The following HSCB variants were observed in gnomAD, a reference collection of about 807,000 sequenced individuals.
HSCB encodes the protein HscB mitochondrial iron-sulfur cluster cochaperone.
Under a neutral mutation model 31.3 loss-of-function variants are expected in HSCB, and 23 were observed. The observed-to-expected ratio is 0.74, with a 90% CI of 0.53 to 1.04. HSCB has a LOEUF of 1.04. HSCB is among the 50% of genes least tolerant of loss of function. HSCB has a pLI of 0.00. For synonymous variants in HSCB, 110 were observed against 104.5 expected (o/e 1.05, Z -0.32); for missense variants, 297 against 288.1 (o/e 1.03, Z -0.22).
At position 28,745,907 on chromosome 22, in the gene HSCB, A is replaced by AAATGGACAGGCAATTCCTCATAGAAAT; in HGVS notation, c.474_500dup (p.Asp158_Met166dup). On this transcript the variant is annotated inframe_insertion, in exon 4 of 6. Transcript: ENST00000216027. ...GAGATTCCTGAAAGGACAGATTATG[A>AAATGGACAGGCAATTCCTCATAGAAAT]AATGGACAGGCAATTCCTCATAGAA... 4 of 1,613,568 alleles carry AAATGGACAGGCAATTCCTCATAGAAAT rather than the reference A, an allele frequency of 2.5e-6. No individual in the cohort carries two copies. The highest frequency in any genetic ancestry group is 3.4e-6 in the Non-Finnish European group (4 of 1,179,610).
At chr22:28,752,099 C>T (rs901815959) in intron 5 of HSCB, among the ~76,000 whole-genome samples, 1 of 135,846 alleles carries the variant, frequency 7.4e-6, no homozygotes, top group Non-Finnish European at 1.6e-5. Flanking sequence ...TCAAAACAAA[C>T]AAAAAAAAAA....
chr22:28,742,980 G>T (rs535074605), intron 1 of HSCB, among the ~76,000 whole-genome samples: 1 of 152,202 alleles, frequency 6.6e-6, no homozygotes, highest in Admixed American at 6.6e-5. Context: ...TGTGAAAGGG[G>T]CTGAATTAAA....
intron 3 of HSCB, 150 bp downstream of exon 3, chr22:28,744,854 G>T: frequency 1.5e-6 from 1 of 651,858 alleles, no homozygotes; most frequent in East Asian, 2.7e-5. Flanking sequence ...AGGCTGAGGT[G>T]GTCAGATCAC....
At chr22:28,742,379 A>G (rs2054584280) in intron 1 of HSCB, 48 bp downstream of exon 1, 1 of 1,598,172 alleles carries the variant, frequency 6.3e-7, no homozygotes, top group Admixed American at 1.7e-5. Context: ...AGACACGTCG[A>G]GGTCTGGCCT....
rs563701958 is a variant in HSCB, at chr22:28,750,247, C to CAAAAAAAA, written c.569-972_569-965dup. Among the ~76,000 whole-genome samples, 9 of 64,714 alleles carry CAAAAAAAA rather than the reference C, an allele frequency of 1.4e-4. 2 individuals carry two copies. In the South Asian group the frequency reaches 1.4e-3, roughly 10 times the overall value. The allele number at this position is 64,714 out of a possible 152,430, so 42.5% of individuals were successfully genotyped here. On this transcript the variant is annotated intron_variant, in intron 4 of 5. Transcript: ENST00000216027. The stretch of plus-strand genomic sequence containing the variant: ...CTGGGCAACAAGAGCGAAACTGTCT[C>CAAAAAAAA]AAAAAAAAAAAAAAAAAAAAAAAAA...
chr22:28,745,591 A>G (rs1274917122), intron 3 of HSCB: 3 of 240,940 alleles, frequency 1.2e-5, no homozygotes, highest in Non-Finnish European at 2.4e-5. Flanking sequence ...TTATAATTGA[A>G]TAGAATCTTT....
intron 4 of HSCB, among the ~76,000 whole-genome samples, chr22:28,750,050 G>C (rs994126761): frequency 7.9e-5 from 12 of 152,018 alleles, no homozygotes; most frequent in Admixed American, 7.9e-4. Flanking sequence ...AGGAGTTCAA[G>C]ACCACCCTGA....
At chr22:28,747,333 ACT>A (rs895417077) in intron 4 of HSCB, among the ~76,000 whole-genome samples, 2 of 152,010 alleles carry the variant, frequency 1.3e-5, no homozygotes, top group African/African-American at 4.8e-5. Context: ...ACATGGTCTC[ACT>A]CTGTCACCCA....
intron 4 of HSCB, among the ~76,000 whole-genome samples, chr22:28,748,986 T>C (rs959617443): frequency 1.3e-5 from 2 of 151,890 alleles, no homozygotes; most frequent in Non-Finnish European, 2.9e-5. Context: ...ATTAAAAATT[T>C]AAAAATTAAC....
At chr22:28,752,450 T>A (rs1473404346) in intron 5 of HSCB, among the ~76,000 whole-genome samples, 4 of 140,490 alleles carry the variant, frequency 2.8e-5, no homozygotes, top group South Asian at 4.4e-4. Flanking sequence ...AAAAAAAAAA[T>A]TGGGCCGGGC....
rs1232257348 is a variant in HSCB, at chr22:28,746,008, G to A, written c.568G>A (p.Ala190Thr). The A allele has an allele frequency of 1.2e-6, 2 of 1,608,406 alleles. No individual in the cohort carries two copies. Among genetic ancestry groups the A allele is most frequent in the African/African-American group, 2.7e-5 (2 of 74,512 alleles). Residue 190 changes from alanine to threonine, a missense_variant and splice_region_variant, in exon 4 of 6, where the codon GCT (alanine) becomes ACT (threonine). By Grantham distance (58) the Ala-to-Thr change is moderately conservative. Transcript: ENST00000216027. ...GAAAGAGATTGAATCCATTGTCAAAGGTGAAAGATAAAATAGCACTGAATG... is the reference window on the plus strand; with the variant it reads ...GAAAGAGATTGAATCCATTGTCAAAAGTGAAAGATAAAATAGCACTGAATG... ...AMKEIESIVK[A>T]KQKEFTDNVS... is the part of the protein sequence containing the mutation.
At chr22:28,742,526 C>T in intron 1 of HSCB, 195 bp downstream of exon 1, 1 of 967,036 alleles carries the variant, frequency 1.0e-6, no homozygotes, top group Admixed American at 3.1e-5. Flanking sequence ...AGGGAAGCAA[C>T]GTTGAGGTGT....
intron 4 of HSCB, among the ~76,000 whole-genome samples, chr22:28,750,492 A>G (rs938662457): frequency 1.3e-5 from 2 of 152,118 alleles, no homozygotes; most frequent in Admixed American, 1.3e-4. Context: ...GCTACCTGAG[A>G]GATGAGTTTC....
intron 1 of HSCB, 96 bp downstream of exon 1, chr22:28,742,427 G>A (rs2054586371): frequency 5.9e-6 from 9 of 1,521,658 alleles, no homozygotes; most frequent in South Asian, 2.5e-5. Context: ...CGGAAGAGAA[G>A]GCGGGACTGA....
At chr22:28,755,998 C>T (rs1208082540) in intron 5 of HSCB, among the ~76,000 whole-genome samples, 1 of 152,024 alleles carries the variant, frequency 6.6e-6, no homozygotes, top group African/African-American at 2.4e-5. Flanking sequence ...ATAATCCCAG[C>T]ACTTTGGGAG....
intron 4 of HSCB, 24 bp downstream of exon 4, chr22:28,746,032 T>A (rs1270906573): frequency 1.3e-6 from 2 of 1,590,466 alleles, no homozygotes; most frequent in African/African-American, 2.7e-5. Context: ...TAGCACTGAA[T>A]GTATTTCATT....
At position 28,742,196 on chromosome 22, in the gene HSCB, C is replaced by T; in HGVS notation, c.101C>T (p.Ala34Val). Residue 34 changes from alanine to valine, a missense_variant, in exon 1 of 6, where the codon GCG becomes GTG. By Grantham distance (64) the Ala-to-Val change is moderately conservative (BLOSUM62 0). Transcript: ENST00000216027. ...RPLSCDAASQ[A>V]GSNYPRCWNC... Reference sequence around the variant, plus strand: ...CTAAGCTGCGATGCTGCGTCGCAGGCGGGAAGCAATTATCCCCGCTGTTGG... The same window carrying T: ...CTAAGCTGCGATGCTGCGTCGCAGGTGGGAAGCAATTATCCCCGCTGTTGG... The T allele has an allele frequency of 6.2e-7, 1 of 1,613,824 alleles. No individual in the cohort carries two copies. The highest frequency in any genetic ancestry group is 1.1e-5 in the South Asian group (1 of 91,034).
At chr22:28,748,134 G>A (rs1410598703) in intron 4 of HSCB, among the ~76,000 whole-genome samples, 4 of 152,148 alleles carry the variant, frequency 2.6e-5, no homozygotes, top group Non-Finnish European at 4.4e-5. Flanking sequence ...GCAGTGAGCC[G>A]AGATTGTGCC....
chr22:28,754,048 G>T (rs954548256), intron 5 of HSCB, among the ~76,000 whole-genome samples: 2 of 151,724 alleles, frequency 1.3e-5, no homozygotes, highest in Non-Finnish European at 2.9e-5. Flanking sequence ...CAGGAGTATC[G>T]CTTGAAATTG....
Sources: gnomAD v4.1 joint callset for allele counts (sites outside exome capture counted in the v4.1 genomes callset) on GRCh38, gnomAD v4.1.1 for gene constraint, MANE v1.5 for transcripts, NCBI Gene and HGNC (gene_info 2026-07-23, HGNC 2026-07-21) for gene names.